Variants in TRRAP observed in about 807,000 individuals in gnomAD.
The protein encoded by TRRAP is transformation/transcription domain-associated protein.
Under a neutral mutation model 438.8 loss-of-function variants are expected in TRRAP, and 41 were observed. That is an observed-to-expected ratio of 0.09 (90% CI 0.07 to 0.12). The LOEUF is 0.12. Ranked by LOEUF, TRRAP falls within the 10% of genes least tolerant of loss-of-function variation. TRRAP has a pLI of 1.00. For synonymous variants in TRRAP, 1,994 were observed against 1,962.9 expected (o/e 1.02, Z -0.42); for missense variants, 3,122 against 5,055.1 (o/e 0.62, Z 11.60).
intron 28 of TRRAP, among the ~76,000 whole-genome samples, chr7:98,936,896 C>T (rs571610402): frequency 1.1e-4 from 17 of 152,194 alleles, no homozygotes; most frequent in Admixed American, 9.8e-4. Flanking sequence ...AAAGAGGGCT[C>T]GTGGTTCATA....
In TRRAP at chr7:98,949,698, G is replaced by T; in HGVS notation, c.4992G>T (p.Leu1664=). 6.2e-7 allele frequency: 1 copy of T among 1,614,048 alleles called. No homozygotes were observed. Among genetic ancestry groups the T allele is most frequent in the Non-Finnish European group, 8.5e-7 (1 of 1,180,014 alleles). Reference sequence around the variant, plus strand: ...TAGTGAAAAACGATGACTCCTGGCTGGCCAGCCAGCACTCTCTGGTGAGCC... The same window carrying T: ...TAGTGAAAAACGATGACTCCTGGCTTGCCAGCCAGCACTCTCTGGTGAGCC... ...SIIVKNDDSW[L]ASQHSLVSQL... is the part of the protein sequence containing the mutation. The change falls in exon 37 of 73, where the codon CTG becomes CTT. Residue 1664 remains leucine (L), a synonymous_variant. Transcript: ENST00000456197.
chr7:98,919,243 A>T (rs1013913064), intron 20 of TRRAP, among the ~76,000 whole-genome samples: 3 of 152,068 alleles, frequency 2.0e-5, no homozygotes, highest in African/African-American at 7.2e-5. Context: ...ACTGAGTTTG[A>T]GGTTGGGATA....
At chr7:98,893,697 A>G in intron 5 of TRRAP, 101 bp from the exon 6 acceptor site, 3 of 1,040,036 alleles carry the variant, frequency 2.9e-6, no homozygotes, top group South Asian at 1.4e-5. Context: ...AGCAAATCCA[A>G]TAGTTGGTTG....
At chr7:98,959,619 C>A in intron 45 of TRRAP, 129 bp downstream of exon 45, 1 of 1,371,506 alleles carries the variant, frequency 7.3e-7, no homozygotes, top group Admixed American at 2.6e-5. Context: ...TCTCCTGTCC[C>A]CTTTGCCAGT....
chr7:98,929,004 C>A (rs1342539645), intron 23 of TRRAP, among the ~76,000 whole-genome samples: 2 of 150,146 alleles, frequency 1.3e-5, no homozygotes, highest in Non-Finnish European at 3.0e-5. Flanking sequence ...GTGGTGCGAT[C>A]TCAGCTCACT....
intron 3 of TRRAP, among the ~76,000 whole-genome samples, chr7:98,889,384 A>G (rs1301438924): frequency 6.6e-6 from 1 of 152,122 alleles, no homozygotes; most frequent in Non-Finnish European, 1.5e-5. Context: ...TAAACTTTGC[A>G]TATATTAACT....
At chr7:98,885,426 T>C (rs1795652134) in intron 3 of TRRAP, among the ~76,000 whole-genome samples, 1 of 152,038 alleles carries the variant, frequency 6.6e-6, no homozygotes, top group South Asian at 2.1e-4. Flanking sequence ...TTAAGAACAA[T>C]AGGGAAAATA....
intron 39 of TRRAP, 61 bp downstream of exon 39, chr7:98,951,065 G>GTGTGTA: frequency 8.1e-7 from 1 of 1,237,436 alleles, no homozygotes; most frequent in Non-Finnish European, 1.1e-6. Context: ...ACATCTGTGT[G>GTGTGTA]TGTGTGTGTG....
In TRRAP at chr7:98,931,533, T is replaced by C. The variant is rs782800822; in HGVS notation, c.3720T>C (p.His1240=). Residue 1240 remains histidine (H), a synonymous_variant, in exon 26 of 73, where the codon CAT becomes CAC. Transcript: ENST00000456197. ...IVAAQEKSFH[H]VTHDLVREVT... is the part of the protein sequence containing the mutation. Reference sequence around the variant, plus strand: ...CCGCCCAGGAAAAGTCTTTCCACCATGTGACACACGACTTGGTTCGAGAAG... The same window carrying C: ...CCGCCCAGGAAAAGTCTTTCCACCACGTGACACACGACTTGGTTCGAGAAG... 5 of 1,614,162 alleles carry C rather than the reference T, an allele frequency of 3.1e-6. No individual in the cohort carries two copies. Among genetic ancestry groups the C allele is most frequent in the Non-Finnish European group, 3.4e-6 (4 of 1,180,022 alleles).
intron 12 of TRRAP, among the ~76,000 whole-genome samples, chr7:98,905,408 G>A (rs1175745705): frequency 6.6e-6 from 1 of 152,210 alleles, no homozygotes; most frequent in Non-Finnish European, 1.5e-5. Flanking sequence ...CTGGCTTTAT[G>A]TCAGGCTTAT....
At chr7:99,008,949 C>G (rs1203365685) in intron 70 of TRRAP, among the ~76,000 whole-genome samples, 2 of 152,184 alleles carry the variant, frequency 1.3e-5, no homozygotes, top group African/African-American at 4.8e-5. Context: ...ACTTCATGTT[C>G]CTGTTCACCT....
chr7:98,920,464 C>A (rs1324258895), intron 20 of TRRAP, among the ~76,000 whole-genome samples: 6 of 148,446 alleles, frequency 4.0e-5, no homozygotes. Context: ...AGCGAGACTC[C>A]GTCTCCAAAA....
At chr7:98,917,938 A>G (rs1319627038) in intron 20 of TRRAP, among the ~76,000 whole-genome samples, 2 of 152,024 alleles carry the variant, frequency 1.3e-5, no homozygotes, top group Non-Finnish European at 2.9e-5. Context: ...CCTGGGCAAC[A>G]TGGTGAAAAC....
intron 67 of TRRAP, among the ~76,000 whole-genome samples, chr7:98,998,212 A>AC (rs1793756846): frequency 6.6e-6 from 1 of 152,100 alleles, no homozygotes; most frequent in South Asian, 2.1e-4. Context: ...TTAACTCTTG[A>AC]CCCCTCTTCT....
chr7:98,954,528 C>G (rs543807576), intron 40 of TRRAP, among the ~76,000 whole-genome samples: 1 of 152,214 alleles, frequency 6.6e-6, no homozygotes, highest in African/African-American at 2.4e-5. Context: ...CTGCCCTCCC[C>G]CAGTTGTCTC....
chr7:98,901,083 T>C (rs1796446634), intron 11 of TRRAP, among the ~76,000 whole-genome samples: 1 of 152,252 alleles, frequency 6.6e-6, no homozygotes, highest in Non-Finnish European at 1.5e-5. Flanking sequence ...TTACTTTTTA[T>C]TGCTGTGTAG....
chr7:98,929,311 C>A (rs1209373004), intron 23 of TRRAP, among the ~76,000 whole-genome samples: 3 of 152,210 alleles, frequency 2.0e-5, no homozygotes, highest in African/African-American at 7.2e-5. Flanking sequence ...TGGTCTTGAA[C>A]TCCTGGCCTC....
chr7:98,919,228 C>G (rs896816327), intron 20 of TRRAP, among the ~76,000 whole-genome samples: 2 of 152,102 alleles, frequency 1.3e-5, no homozygotes, highest in East Asian at 1.9e-4. Flanking sequence ...GAGACTGCAG[C>G]TAGGACTGAG....
intron 59 of TRRAP, among the ~76,000 whole-genome samples, chr7:98,982,952 G>A (rs1792997642): frequency 6.6e-6 from 1 of 152,148 alleles, no homozygotes; most frequent in Non-Finnish European, 1.5e-5. Flanking sequence ...ATGGACAGCA[G>A]GAGGAGGAGT....
Sources: gnomAD v4.1 joint callset for allele counts (sites outside exome capture counted in the v4.1 genomes callset) on GRCh38, gnomAD v4.1.1 for gene constraint, MANE v1.5 for transcripts, NCBI Gene and HGNC (gene_info 2026-07-23, HGNC 2026-07-21) for gene names.